CMTM8: variants seen among roughly 807,000 people sequenced by gnomAD.
The protein encoded by CMTM8 is CKLF-like MARVEL transmembrane domain-containing protein 8.
Under a neutral mutation model 18.6 loss-of-function variants are expected in CMTM8, and 12 were observed. The ratio of observed to expected loss-of-function variants is 0.65; its 90% CI spans 0.41 to 1.05. CMTM8 has a LOEUF of 1.05. Ranked by LOEUF, CMTM8 falls within the 50% of genes least tolerant of loss-of-function variation. CMTM8 has a pLI of 0.00. For synonymous variants in CMTM8, 87 were observed against 90.6 expected, an observed-to-expected ratio of 0.96 and a Z score of 0.23; for missense variants, 217 against 227.2, an observed-to-expected ratio of 0.95 and a Z score of 0.29.
intron 2 of CMTM8, among the ~76,000 whole-genome samples, chr3:32,366,107 G>C (rs1438929760): frequency 6.6e-6 from 1 of 152,126 alleles, no homozygotes; most frequent in Admixed American, 6.5e-5. Flanking sequence ...AACAAGACTA[G>C]GGAAGTCACA....
intron 1 of CMTM8, among the ~76,000 whole-genome samples, chr3:32,305,946 A>G (rs1161703128): frequency 6.6e-6 from 1 of 152,240 alleles, no homozygotes; most frequent in Admixed American, 6.5e-5. Context: ...ATGCTATTAA[A>G]ATCAATTCAT....
At chr3:32,259,979 G>T in intron 1 of CMTM8, 1 of 1,118,594 alleles carries the variant, frequency 8.9e-7, no homozygotes. Flanking sequence ...CCTGGAGTCA[G>T]AGCTGGCACT....
intron 1 of CMTM8, among the ~76,000 whole-genome samples, chr3:32,332,974 A>G (rs1696310133): frequency 6.6e-6 from 1 of 152,122 alleles, no homozygotes. Flanking sequence ...ATAAAACAAG[A>G]AGGTTTGGAA....
intron 1 of CMTM8, among the ~76,000 whole-genome samples, chr3:32,295,008 T>C (rs552147511): frequency 6.6e-6 from 1 of 152,218 alleles, no homozygotes; most frequent in Non-Finnish European, 1.5e-5. Flanking sequence ...TGAGCTGATA[T>C]CATGCCACTG....
chr3:32,366,311 T>A (rs1575098328), intron 2 of CMTM8, among the ~76,000 whole-genome samples: 1 of 152,338 alleles, frequency 6.6e-6, no homozygotes, highest in East Asian at 1.9e-4. Flanking sequence ...AAATGGGCCA[T>A]ACTTACTGAG....
At chr3:32,250,257 C>T (rs892805335) in intron 1 of CMTM8, among the ~76,000 whole-genome samples, 1 of 152,214 alleles carries the variant, frequency 6.6e-6, no homozygotes, top group African/African-American at 2.4e-5. Flanking sequence ...CAGTACCATG[C>T]TGTATTGATT....
In CMTM8 at chr3:32,260,146, A is replaced by G. The variant is rs553418467; in HGVS notation, c.147+21027A>G. On this transcript the variant is annotated intron_variant, in intron 1 of 3. Transcript: ENST00000307526. ...CCCTGGACAGCAGCAACTCCATGCA[A>G]ACCATCCAAAAGACCACCACCTGCC... The G allele has an allele frequency of 1.7e-5, 19 of 1,118,366 alleles. No individual in the cohort carries two copies. In the South Asian group the frequency reaches 2.2e-4, roughly 13 times the overall value. 69.3% of individuals were successfully genotyped at this position (1,118,366 alleles called of 1,614,324 possible). A position where few individuals can be genotyped will look rare whatever the true frequency, so the allele number is the denominator to read the frequency against.
intron 1 of CMTM8, among the ~76,000 whole-genome samples, chr3:32,310,458 C>A (rs933376199): frequency 2.0e-5 from 3 of 152,148 alleles, no homozygotes; most frequent in Middle Eastern, 3.2e-3. Context: ...CTTGTCCTTG[C>A]CAATGAGGGG....
chr3:32,266,024 T>A (rs1353375054), intron 1 of CMTM8, among the ~76,000 whole-genome samples: 15 of 151,382 alleles, frequency 9.9e-5, no homozygotes, highest in African/African-American at 3.6e-4. Context: ...CTACCAGAGG[T>A]ACAAAGAGGA....
chr3:32,352,462 C>T (rs188914613), intron 1 of CMTM8, among the ~76,000 whole-genome samples: 14 of 152,286 alleles, frequency 9.2e-5, no homozygotes, highest in Admixed American at 4.6e-4. Context: ...CACAGGCAAG[C>T]GGTAGGCCTA....
chr3:32,301,368 C>CCA (rs144839110), intron 1 of CMTM8, among the ~76,000 whole-genome samples: 65 of 151,574 alleles, frequency 4.3e-4, no homozygotes, highest in Admixed American at 5.9e-4. Context: ...ACTTTGACAG[C>CCA]TGTATATATA....
At chr3:32,283,366 G>A (rs943996460) in intron 1 of CMTM8, among the ~76,000 whole-genome samples, 2 of 152,124 alleles carry the variant, frequency 1.3e-5, no homozygotes, top group African/African-American at 4.8e-5. Flanking sequence ...CTCCAATTGG[G>A]GGAAGAGTCA....
chr3:32,307,541 G>A (rs1357840147), intron 1 of CMTM8, among the ~76,000 whole-genome samples: 1 of 152,160 alleles, frequency 6.6e-6, no homozygotes, highest in African/African-American at 2.4e-5. Flanking sequence ...TTCAGTATAG[G>A]AGACTGTGGA....
chr3:32,366,941 G>A (rs1433157943), intron 2 of CMTM8, among the ~76,000 whole-genome samples: 1 of 152,182 alleles, frequency 6.6e-6, no homozygotes, highest in Non-Finnish European at 1.5e-5. Context: ...GTGGCGACAG[G>A]AACATACAAC....
chr3:32,324,003 G>A (rs1290956126), intron 1 of CMTM8, among the ~76,000 whole-genome samples: 3 of 152,204 alleles, frequency 2.0e-5, no homozygotes, highest in Non-Finnish European at 4.4e-5. Context: ...AAAATTGGGT[G>A]GAAGAAGGAG....
intron 1 of CMTM8, among the ~76,000 whole-genome samples, chr3:32,272,612 C>A (rs1473983521): frequency 3.3e-5 from 5 of 152,078 alleles, no homozygotes; most frequent in Non-Finnish European, 7.4e-5. Context: ...AATTCTCTTA[C>A]ATTTCTAGAA....
At chr3:32,264,246 G>C (rs1338851173) in intron 1 of CMTM8, among the ~76,000 whole-genome samples, 1 of 152,206 alleles carries the variant, frequency 6.6e-6, no homozygotes, top group Non-Finnish European at 1.5e-5. Context: ...ACTAACAGCT[G>C]CTCTCTCAGC....
chr3:32,296,436 G>A (rs376940614), intron 1 of CMTM8, among the ~76,000 whole-genome samples: 3 of 152,350 alleles, frequency 2.0e-5, no homozygotes, highest in African/African-American at 7.2e-5. Context: ...TAGTTGAAGC[G>A]TAGAATAGGA....
chr3:32,358,109 G>A lies in CMTM8; in HGVS notation c.321+563G>A, dbSNP rs1468556004. On this transcript the variant is annotated intron_variant, in intron 2 of 3. Coordinates refer to ENST00000307526, the MANE Select transcript of CMTM8 (RefSeq NM_178868.5). The surrounding 1 kb of genome is among the most constrained non-coding windows in gnomAD (Gnocchi z 4.1). ...TGGCTCTGGCACCATGCTGGATGCAGGATGGTGAACATGTGGTCCAGGGTA... is the reference window on the plus strand; with the variant it reads ...TGGCTCTGGCACCATGCTGGATGCAAGATGGTGAACATGTGGTCCAGGGTA... Among the ~76,000 whole-genome samples the A allele has an allele frequency of 1.3e-5, 2 of 152,224 alleles. No individual in the cohort carries two copies. The highest frequency in any genetic ancestry group is 2.9e-5 in the Non-Finnish European group (2 of 68,044).
Sources: allele counts gnomAD v4.1 joint callset (sites outside exome capture counted in the v4.1 genomes callset), GRCh38; gene constraint gnomAD v4.1.1; non-coding constraint Gnocchi (gnomAD v3.1); transcripts MANE v1.5; gene names NCBI Gene and HGNC (gene_info 2026-07-23, HGNC 2026-07-21).